The following TRIM5 variants were observed in gnomAD, a reference collection of about 807,000 sequenced individuals.
TRIM5 encodes tripartite motif containing 5, also known as tripartite motif-containing protein 5.
A neutral mutation model predicts 35.6 loss-of-function variants in TRIM5; 31 were observed. That is an observed-to-expected ratio of 0.87 (90% confidence interval 0.65 to 1.18). The LOEUF (loss-of-function observed/expected upper bound fraction) is 1.18. Among genes scored for constraint, TRIM5 ranks in the 50% most tolerant of loss-of-function variants. The pLI is 0.00. For synonymous variants in TRIM5, 243 were observed against 215.6 expected, an observed-to-expected ratio of 1.13 and a Z score of -1.11; for missense variants, 609 against 591.6, an observed-to-expected ratio of 1.03 and a Z score of -0.31.
At chr11:5,657,365 C>T in the TRIM5 span, among the ~76,000 whole-genome samples, 1 of 150,560 alleles carries the variant, frequency 6.6e-6, no homozygotes, top group East Asian at 1.9e-4. Context: ...ATTTAGATGA[C>T]AGGTTAATGG....
At chr11:5,609,750 A>T in the TRIM5 span, among the ~76,000 whole-genome samples, 1 of 152,046 alleles carries the variant, frequency 6.6e-6, no homozygotes, top group Non-Finnish European at 1.5e-5. Flanking sequence ...ATGAAACCCT[A>T]TCTCTACTAA....
At chr11:5,599,422 G>A in the TRIM5 span, among the ~76,000 whole-genome samples, 4 of 80,816 alleles carry the variant, frequency 4.9e-5, no homozygotes, top group Admixed American at 5.1e-4. Context: ...TATTTATTTT[G>A]AGACGGAGTC....
chr11:5,626,078 C>T, the TRIM5 span, among the ~76,000 whole-genome samples: 22 of 152,196 alleles, frequency 1.4e-4, no homozygotes, highest in African/African-American at 5.3e-4. Flanking sequence ...TCAGAGTTCA[C>T]TGTAACTGCC....
the TRIM5 span, chr11:5,632,365 G>C: frequency 1.2e-6 from 2 of 1,614,112 alleles, no homozygotes; most frequent in Non-Finnish European, 1.7e-6. Context: ...CGTACAAGAG[G>C]AGGTGACCTG....
chr11:5,654,355 A>G, the TRIM5 span, among the ~76,000 whole-genome samples: 1 of 152,216 alleles, frequency 6.6e-6, no homozygotes, highest in African/African-American at 2.4e-5. Context: ...TGAGTAGGGT[A>G]CTGAGGCTTT....
chr11:5,611,372 A>G, the TRIM5 span: 2 of 1,532,394 alleles, frequency 1.3e-6, no homozygotes, highest in Non-Finnish European at 9.0e-7. Context: ...CACTTCTGAT[A>G]AGTACCCTGA....
chr11:5,682,359 C>T (rs1260501340), intron 1 of TRIM5, among the ~76,000 whole-genome samples: 2 of 152,056 alleles, frequency 1.3e-5, no homozygotes, highest in East Asian at 1.9e-4. Context: ...TTTTGGGGGG[C>T]AGATACGGCC....
At chr11:5,650,374 T>C in the TRIM5 span, among the ~76,000 whole-genome samples, 5 of 152,214 alleles carry the variant, frequency 3.3e-5, no homozygotes, top group Non-Finnish European at 1.5e-5. Flanking sequence ...GTTCTGCCTA[T>C]TGGGAGGGCT....
chr11:5,640,863 A>G, the TRIM5 span, among the ~76,000 whole-genome samples: 270 of 152,200 alleles, frequency 1.8e-3, 1 homozygote, highest in African/African-American at 6.3e-3. Context: ...GCGTTCTTTA[A>G]TGTGTATTGA....
chr11:5,635,710 T>C, the TRIM5 span, among the ~76,000 whole-genome samples: 309 of 152,346 alleles, frequency 2.0e-3, no homozygotes, highest in African/African-American at 7.0e-3. Context: ...GAGTAACTGA[T>C]TTTCATTTGT....
At chr11:5,618,022 T>A in the TRIM5 span, among the ~76,000 whole-genome samples, 1 of 152,194 alleles carries the variant, frequency 6.6e-6, no homozygotes. Context: ...AAATCCTACT[T>A]TGATACCTAT....
the TRIM5 span, chr11:5,632,689 G>A: frequency 4.3e-6 from 7 of 1,612,468 alleles, no homozygotes; most frequent in African/African-American, 1.3e-5. Context: ...CTGGCTTTGT[G>A]AGCGGTCTCA....
At chr11:5,600,375 G>C in the TRIM5 span, among the ~76,000 whole-genome samples, 1 of 151,986 alleles carries the variant, frequency 6.6e-6, no homozygotes, top group South Asian at 2.1e-4. Context: ...GTAGATATTT[G>C]CTGTGAGCAT....
At chr11:5,654,224 T>G in the TRIM5 span, among the ~76,000 whole-genome samples, 1 of 152,174 alleles carries the variant, frequency 6.6e-6, no homozygotes, top group African/African-American at 2.4e-5. Context: ...GTTTTCTTGC[T>G]TTTTTTGTTT....
chr11:5,596,711 G>A, the TRIM5 span: 20 of 848,322 alleles, frequency 2.4e-5, no homozygotes, highest in South Asian at 2.3e-4. Flanking sequence ...AAAGGCTGGC[G>A]GAGGAGGGAT....
the TRIM5 span, chr11:5,610,502 A>T: frequency 3.1e-6 from 5 of 1,614,036 alleles, no homozygotes; most frequent in Non-Finnish European, 4.2e-6. Context: ...AGTTGGTCCT[A>T]TTCAACATTA....
In TRIM5 at chr11:5,664,631, T is replaced by C; in HGVS notation, c.*178A>G. The C allele has an allele frequency of 1.5e-6, 2 of 1,338,940 alleles. No homozygotes were observed. Among genetic ancestry groups the C allele is most frequent in the Non-Finnish European group, 9.5e-7 (1 of 1,049,714 alleles). The allele number at this position is 1,338,940 out of a possible 1,614,324, so 82.9% of individuals were successfully genotyped here. A position where few individuals can be genotyped will look rare whatever the true frequency, so the allele number is the denominator to read the frequency against. Reference sequence around the variant, plus strand: ...ATTGCTATCAAATGTCAATAAAATATTGGGGACAATATGGCACAAGGCAAT... The same window carrying C: ...ATTGCTATCAAATGTCAATAAAATACTGGGGACAATATGGCACAAGGCAAT... On this transcript the variant is annotated 3_prime_UTR_variant, in exon 8 of 8. Coordinates refer to ENST00000380034, the MANE Select transcript of TRIM5 (RefSeq NM_033034.3).
the TRIM5 span, among the ~76,000 whole-genome samples, chr11:5,626,145 G>A: frequency 5.3e-5 from 8 of 152,212 alleles, no homozygotes; most frequent in Admixed American, 5.2e-4. Context: ...CATACTGACT[G>A]TCTCCCAGAG....
the TRIM5 span, among the ~76,000 whole-genome samples, chr11:5,623,608 C>T: frequency 6.6e-6 from 1 of 150,444 alleles, no homozygotes; most frequent in African/African-American, 2.5e-5. Flanking sequence ...TCTCGAACTC[C>T]TGACCTTGTG....
Sources: gnomAD v4.1 joint callset for allele counts (sites outside exome capture counted in the v4.1 genomes callset) on GRCh38, gnomAD v4.1.1 for gene constraint, MANE v1.5 for transcripts, NCBI Gene and HGNC (gene_info 2026-07-23, HGNC 2026-07-21) for gene names.